Variants in GALNTL6 observed in about 807,000 individuals in gnomAD.
GALNTL6 encodes polypeptide N-acetylgalactosaminyltransferase-like 6.
In GALNTL6, 46 loss-of-function variants were observed where a neutral mutation model predicts 73.7. That is an observed-to-expected ratio of 0.62 (90% CI 0.49 to 0.80). The LOEUF (loss-of-function observed/expected upper bound fraction) is 0.80. GALNTL6 is among the 30% of genes least tolerant of loss of function. The pLI is 0.00. For synonymous variants in GALNTL6, 259 were observed against 263.7 expected, an observed-to-expected ratio of 0.98 and a Z score of 0.17; for missense variants, 604 against 755.0, an observed-to-expected ratio of 0.80 and a Z score of 2.34.
At chr4:172,583,545 C>G (rs574802629) in intron 5 of GALNTL6, among the ~76,000 whole-genome samples, 2 of 152,250 alleles carry the variant, frequency 1.3e-5, no homozygotes, top group South Asian at 2.1e-4. Context: ...GAAATCATAA[C>G]TCTTTCCAAA....
chr4:172,563,428 T>A (rs1032809444), intron 5 of GALNTL6, among the ~76,000 whole-genome samples: 1 of 152,238 alleles, frequency 6.6e-6, no homozygotes, highest in Non-Finnish European at 1.5e-5. Flanking sequence ...AGACTTGAAT[T>A]TTCAAATCGA....
At chr4:172,396,997 C>T (rs1256415653) in intron 5 of GALNTL6, among the ~76,000 whole-genome samples, 2 of 152,164 alleles carry the variant, frequency 1.3e-5, no homozygotes, top group South Asian at 2.1e-4. Context: ...ACCATTATAT[C>T]TATCTTACAA....
chr4:172,749,792 C>T (rs1737324507), intron 5 of GALNTL6, among the ~76,000 whole-genome samples: 1 of 151,854 alleles, frequency 6.6e-6, no homozygotes, highest in Non-Finnish European at 1.5e-5. Context: ...CTTCCAGGAA[C>T]ATGATATATT....
Position 173,040,323 on chromosome 4 carries a change from TCC to T in GALNTL6, c.*225_*226del, listed in dbSNP as rs1458522050. 3.9e-5 allele frequency: 20 copies of T among 507,766 alleles called. No homozygotes were observed. Among genetic ancestry groups the T allele is most frequent in the Non-Finnish European group, 5.5e-5 (16 of 289,910 alleles). The allele number at this position is 507,766 out of a possible 1,614,324, so 31.5% of individuals were successfully genotyped here. A position where few individuals can be genotyped will look rare whatever the true frequency, so the allele number is the denominator to read the frequency against. ...CTTCTGAGAACTCGAGACTAGCAGT[TCC>T]CTTGCTGGCCAAGGGCAAAGATAAT... On this transcript the variant is annotated 3_prime_UTR_variant, in exon 13 of 13. Transcript: ENST00000506823.
chr4:172,856,458 C>G (rs1396839309), intron 7 of GALNTL6, among the ~76,000 whole-genome samples: 1 of 152,164 alleles, frequency 6.6e-6, no homozygotes, highest in Admixed American at 6.5e-5. Context: ...TGCCTTCTTC[C>G]CTATCCATGC....
intron 5 of GALNTL6, among the ~76,000 whole-genome samples, chr4:172,396,798 C>A (rs1743865304): frequency 6.6e-6 from 1 of 152,098 alleles, no homozygotes; most frequent in African/African-American, 2.4e-5. Context: ...CAGTGTGTTG[C>A]AATTAAAAGA....
intron 7 of GALNTL6, among the ~76,000 whole-genome samples, chr4:172,822,723 C>A (rs1742007967): frequency 6.6e-6 from 1 of 152,154 alleles, no homozygotes; most frequent in African/African-American, 2.4e-5. Context: ...ATAGCAATGG[C>A]TGCCTATGTG....
intron 2 of GALNTL6, among the ~76,000 whole-genome samples, chr4:171,986,025 C>G (rs1178094338): frequency 1.0e-5 from 1 of 97,092 alleles, no homozygotes; most frequent in African/African-American, 4.3e-5. Flanking sequence ...GTGACAGAGC[C>G]AGACTCTGTC....
chr4:172,969,798 TGA>T (rs1281901377), intron 10 of GALNTL6, among the ~76,000 whole-genome samples: 1 of 152,226 alleles, frequency 6.6e-6, no homozygotes, highest in African/African-American at 2.4e-5. Flanking sequence ...GTAGGATGTT[TGA>T]GAGGTGATTA....
chr4:173,023,897 G>C (rs1356649405), intron 12 of GALNTL6, among the ~76,000 whole-genome samples: 1 of 151,882 alleles, frequency 6.6e-6, no homozygotes, highest in Non-Finnish European at 1.5e-5. Flanking sequence ...TTTTTTTAAT[G>C]ATTATATTCT....
At chr4:172,179,370 T>C (rs1449235197) in intron 2 of GALNTL6, among the ~76,000 whole-genome samples, 2,643 of 144,520 alleles carry the variant, frequency 0.018, 86 homozygotes, top group African/African-American at 0.066. Flanking sequence ...AGATGGTATC[T>C]CATTGTGGTT....
intron 10 of GALNTL6, among the ~76,000 whole-genome samples, chr4:172,982,466 A>C (rs1487249424): frequency 1.3e-5 from 2 of 152,242 alleles, no homozygotes; most frequent in Non-Finnish European, 2.9e-5. Context: ...ACTGCTATCA[A>C]AACAGGCCCT....
chr4:172,547,930 C>T (rs1735830805), intron 5 of GALNTL6, among the ~76,000 whole-genome samples: 1 of 152,152 alleles, frequency 6.6e-6, no homozygotes, highest in Admixed American at 6.6e-5. Context: ...TAAAGAGCCC[C>T]AGTGGTAGTG....
At chr4:172,359,547 GAAGT>G (rs780914638) in intron 5 of GALNTL6, among the ~76,000 whole-genome samples, 14 of 152,086 alleles carry the variant, frequency 9.2e-5, no homozygotes, top group Non-Finnish European at 2.1e-4. Flanking sequence ...AAGAATCAGA[GAAGT>G]AAGTACTATG....
chr4:172,130,455 A>T lies in GALNTL6; in HGVS notation c.139-99201A>T, dbSNP rs185680520. On this transcript the variant is annotated intron_variant, in intron 2 of 12. Coordinates refer to ENST00000506823, the MANE Select transcript of GALNTL6 (RefSeq NM_001034845.3). Reference sequence around the variant, plus strand: ...TCTATAAAATTGATCACTGAAAAAAATTGTAAGTGCTAAGTATACAAAAAA... The same window carrying T: ...TCTATAAAATTGATCACTGAAAAAATTTGTAAGTGCTAAGTATACAAAAAA... Among the ~76,000 whole-genome samples the T allele has an allele frequency of 3.1e-3, 469 of 152,136 alleles. 1 individual carries two copies. The highest frequency in any genetic ancestry group is 5.0e-3 in the Non-Finnish European group (342 of 67,952).
chr4:172,682,248 A>G (rs1389158668), intron 5 of GALNTL6, among the ~76,000 whole-genome samples: 3 of 152,118 alleles, frequency 2.0e-5, no homozygotes, highest in African/African-American at 7.2e-5. Flanking sequence ...AAAAAAAAGA[A>G]TTCTTCTTTT....
rs759711510 is a variant in GALNTL6, at chr4:172,293,144, TCACTC to T, written c.248-18466_248-18462del. ...TTGATATTCTAAGTCATCCTACTCTTCACTCCACCCCATCTCCAACCACATTGGCC... is the reference window on the plus strand; with the variant it reads ...TTGATATTCTAAGTCATCCTACTCTTCACCCCATCTCCAACCACATTGGCC... On this transcript the variant is annotated intron_variant, in intron 3 of 12. Coordinates refer to ENST00000506823, the MANE Select transcript of GALNTL6 (RefSeq NM_001034845.3). 8.5e-5 allele frequency among the ~76,000 whole-genome samples: 13 copies of T among 152,288 alleles called. No homozygotes were observed. In the East Asian group the frequency reaches 2.1e-3, roughly 25 times the overall value.
chr4:171,820,953 T>C (rs1016023222), intron 2 of GALNTL6, among the ~76,000 whole-genome samples: 12 of 152,186 alleles, frequency 7.9e-5, no homozygotes, highest in Admixed American at 2.0e-4. Flanking sequence ...TAATTTTGAA[T>C]TTTTTCATTA....
At chr4:172,444,628 G>A (rs1035830483) in intron 5 of GALNTL6, among the ~76,000 whole-genome samples, 3 of 152,084 alleles carry the variant, frequency 2.0e-5, no homozygotes, top group African/African-American at 7.2e-5. Context: ...GCCATGATAT[G>A]TCTCGTAGGT....
Sources: gnomAD v4.1 joint callset for allele counts (sites outside exome capture counted in the v4.1 genomes callset) on GRCh38, gnomAD v4.1.1 for gene constraint, MANE v1.5 for transcripts, NCBI Gene and HGNC (gene_info 2026-07-23, HGNC 2026-07-21) for gene names.